TBC1D2B: variants seen among roughly 807,000 people sequenced by gnomAD.
TBC1D2B encodes TBC1 domain family, member 2B.
TBC1D2B carries 64 observed loss-of-function variants against 100.8 expected under a neutral mutation model. That is an observed-to-expected ratio of 0.64 (90% CI 0.52 to 0.78). The LOEUF is 0.78. Among genes scored for constraint, TBC1D2B ranks in the 30% least tolerant of loss-of-function variants. TBC1D2B has a pLI of 0.00. For synonymous variants in TBC1D2B, 480 were observed against 479.7 expected, an observed-to-expected ratio of 1.00 and a Z score of -0.01; for missense variants, 1,052 against 1,218.4, an observed-to-expected ratio of 0.86 and a Z score of 2.03.
intron 3 of TBC1D2B, among the ~76,000 whole-genome samples, chr15:78,036,698 C>T (rs918860025): frequency 1.3e-5 from 2 of 152,176 alleles, no homozygotes; most frequent in African/African-American, 4.8e-5. Flanking sequence ...GAATTTCTGG[C>T]CTCCCAAACT....
intron 3 of TBC1D2B, among the ~76,000 whole-genome samples, chr15:78,041,628 C>A (rs930016606): frequency 1.3e-5 from 2 of 152,172 alleles, no homozygotes; most frequent in African/African-American, 4.8e-5. Flanking sequence ...ATTTTAGGGT[C>A]ACTAAAGTCT....
chr15:78,016,982 A>C, intron 7 of TBC1D2B: 1 of 434,436 alleles, frequency 2.3e-6, no homozygotes. Context: ...GGATGCCAAC[A>C]AATGCATCAC....
At chr15:78,037,233 G>A (rs1010160264) in intron 3 of TBC1D2B, among the ~76,000 whole-genome samples, 5 of 151,874 alleles carry the variant, frequency 3.3e-5, no homozygotes, top group Admixed American at 6.6e-5. Flanking sequence ...AGCACCCTAC[G>A]CACCTGGCAC....
chr15:78,063,406 C>T (rs2073589775), intron 1 of TBC1D2B, among the ~76,000 whole-genome samples: 1 of 152,194 alleles, frequency 6.6e-6, no homozygotes, highest in South Asian at 2.1e-4. Context: ...ATCCTCTCAG[C>T]ATTTTAGCAG....
intron 10 of TBC1D2B, chr15:78,003,713 C>T (rs376209137): frequency 1.9e-5 from 9 of 486,256 alleles, no homozygotes; most frequent in African/African-American, 1.3e-4. Flanking sequence ...GAACAGCATG[C>T]TTTCCACAGG....
At position 77,999,350 on chromosome 15, in the gene TBC1D2B, C is replaced by T. The variant is rs759150880; in HGVS notation, c.2697-995G>A. ...GGCTCCTTTTAACACAAGGCACACA[C>T]GAGGGTGCAACCTTTTATGTTTCAA... On this transcript the variant is annotated intron_variant, in intron 12 of 12. Transcript: ENST00000300584. The T allele has an allele frequency of 3.5e-5, 16 of 451,820 alleles. 1 individual carries two copies. The highest frequency in any genetic ancestry group is 3.3e-4 in the Middle Eastern group (1 of 2,994). The allele number at this position is 451,820 out of a possible 1,614,324, so 28.0% of individuals were successfully genotyped here. A position where few individuals can be genotyped will look rare whatever the true frequency, so the allele number is the denominator to read the frequency against.
At chr15:78,046,685 T>C (rs1395696840) in intron 2 of TBC1D2B, among the ~76,000 whole-genome samples, 1 of 152,080 alleles carries the variant, frequency 6.6e-6, no homozygotes, top group Non-Finnish European at 1.5e-5. Context: ...TTGCCCAAAC[T>C]AGTCTTGAAT....
chr15:78,001,584 C>A, intron 12 of TBC1D2B, 35 bp downstream of exon 12: 1 of 1,585,174 alleles, frequency 6.3e-7, no homozygotes, highest in Non-Finnish European at 8.6e-7. Flanking sequence ...AGGCTTCCTG[C>A]TCTCCTTGAC....
At chr15:78,015,607 A>C (rs1346268633) in intron 8 of TBC1D2B, among the ~76,000 whole-genome samples, 2 of 152,162 alleles carry the variant, frequency 1.3e-5, no homozygotes, top group Admixed American at 6.5e-5. Flanking sequence ...TGGGAACCCG[A>C]CTATCCAGGC....
At chr15:78,053,439 A>G (rs1049090137) in intron 2 of TBC1D2B, among the ~76,000 whole-genome samples, 2 of 152,192 alleles carry the variant, frequency 1.3e-5, no homozygotes, top group Non-Finnish European at 2.9e-5. Context: ...AAACAGTCCC[A>G]TCTCCACAGT....
chr15:77,999,351 G>A (rs1239213606), intron 12 of TBC1D2B: 4 of 451,832 alleles, frequency 8.9e-6, no homozygotes, highest in East Asian at 7.0e-5. Context: ...AGGCACACAC[G>A]AGGGTGCAAC....
At chr15:78,068,390 C>CAT in intron 1 of TBC1D2B, among the ~76,000 whole-genome samples, 1 of 147,682 alleles carries the variant, frequency 6.8e-6, no homozygotes, top group Middle Eastern at 3.5e-3. Context: ...CACCCACACA[C>CAT]ACACACACAC....
In TBC1D2B at chr15:78,016,925, T is replaced by C. The variant is rs151270152; in HGVS notation, c.1582-186A>G. ...CTTTCATGTTTAAAATGGCCTGCAG[T>C]GGGTTCCTCTCTTCCTTATAGAAGG... is the stretch of plus-strand genomic sequence containing the variant. On this transcript the variant is annotated intron_variant, in intron 7 of 12. Coordinates refer to ENST00000300584, the MANE Select transcript of TBC1D2B (RefSeq NM_144572.2). 327 of 542,628 alleles carry C rather than the reference T, an allele frequency of 6.0e-4. 2 individuals carry two copies. In the East Asian group the frequency reaches 0.011, roughly 18 times the overall value. 33.6% of individuals were successfully genotyped at this position (542,628 alleles called of 1,614,324 possible).
chr15:78,047,778 T>C (rs548418848), intron 2 of TBC1D2B, among the ~76,000 whole-genome samples: 13 of 152,126 alleles, frequency 8.5e-5, no homozygotes, highest in African/African-American at 2.7e-4. Context: ...TAGAGATGAG[T>C]GTACCTACTA....
chr15:78,031,240 T>C (rs2072799621), intron 3 of TBC1D2B, among the ~76,000 whole-genome samples: 1 of 152,068 alleles, frequency 6.6e-6, no homozygotes, highest in Admixed American at 6.5e-5. Flanking sequence ...TCTGTAAAGG[T>C]AAAGAAGAAT....
At chr15:78,069,865 C>CCT (rs1399842346) in intron 1 of TBC1D2B, among the ~76,000 whole-genome samples, 1 of 152,210 alleles carries the variant, frequency 6.6e-6, no homozygotes, top group Admixed American at 6.5e-5. Flanking sequence ...CCTCACCAGA[C>CCT]ACCAAATCTG....
At chr15:78,004,053 C>T (rs181288120) in intron 10 of TBC1D2B, among the ~76,000 whole-genome samples, 1 of 152,304 alleles carries the variant, frequency 6.6e-6, no homozygotes, top group Admixed American at 6.5e-5. Context: ...GCAAATTATG[C>T]TCTAAACGGC....
In TBC1D2B at chr15:78,004,899, C is replaced by G. The variant is rs1205900901; in HGVS notation, c.2389-1409G>C. ...GTAAGTGGACCCATGCAGTTCAAAC[C>G]CACGTTGTTCAAGGGTTAACTGTAC... On this transcript the variant is annotated intron_variant, in intron 10 of 12. Coordinates refer to ENST00000300584, the MANE Select transcript of TBC1D2B (RefSeq NM_144572.2). Among the ~76,000 whole-genome samples the G allele has an allele frequency of 3.9e-5, 6 of 152,252 alleles. No homozygotes were observed. In the East Asian group the frequency reaches 1.2e-3, roughly 29 times the overall value.
intron 1 of TBC1D2B, among the ~76,000 whole-genome samples, chr15:78,055,291 A>G (rs911029181): frequency 7.3e-5 from 10 of 137,666 alleles, no homozygotes; most frequent in Non-Finnish European, 1.3e-4. Context: ...AGAATTATAT[A>G]CACAAAGAGT....
Sources: gnomAD v4.1 joint callset for allele counts (sites outside exome capture counted in the v4.1 genomes callset) on GRCh38, gnomAD v4.1.1 for gene constraint, MANE v1.5 for transcripts, NCBI Gene and HGNC (gene_info 2026-07-23, HGNC 2026-07-21) for gene names.